Variants in MYO1B observed in about 807,000 individuals in gnomAD.
MYO1B encodes the protein myosin IB.
Under a neutral mutation model 159.7 loss-of-function variants are expected in MYO1B, and 72 were observed. The observed-to-expected ratio is 0.45, with a 90% CI of 0.37 to 0.55. The LOEUF (loss-of-function observed/expected upper bound fraction) is 0.55. Among genes scored for constraint, MYO1B ranks in the 20% least tolerant of loss-of-function variants. MYO1B has a pLI of 0.00. For synonymous variants in MYO1B, 468 were observed against 473.8 expected (o/e 0.99, Z 0.16); for missense variants, 1,062 against 1,364.8 (o/e 0.78, Z 3.50).
At chr2:191,399,500 A>G (rs1199636923) in intron 21 of MYO1B, among the ~76,000 whole-genome samples, 1 of 152,182 alleles carries the variant, frequency 6.6e-6, no homozygotes, top group African/African-American at 2.4e-5. Flanking sequence ...AGCAGTTACC[A>G]TCTGGCATTT....
At chr2:191,399,165 CTG>C (rs745666710) in intron 21 of MYO1B, among the ~76,000 whole-genome samples, 35 of 152,188 alleles carry the variant, frequency 2.3e-4, no homozygotes, top group Non-Finnish European at 3.8e-4. Context: ...ACTCGGCAGG[CTG>C]AGGCAGGAGA....
chr2:191,330,933 G>GA (rs1691430028), intron 4 of MYO1B, among the ~76,000 whole-genome samples: 1 of 152,312 alleles, frequency 6.6e-6, no homozygotes, highest in African/African-American at 2.4e-5. Context: ...TTGATCAAGA[G>GA]AAGAAAATCT....
At chr2:191,267,503 A>C (rs891208583) in intron 1 of MYO1B, among the ~76,000 whole-genome samples, 1 of 152,234 alleles carries the variant, frequency 6.6e-6, no homozygotes, top group African/African-American at 2.4e-5. Context: ...AAGGATTGGA[A>C]AATGAGAGAA....
chr2:191,278,288 C>G (rs1687863924), intron 2 of MYO1B, among the ~76,000 whole-genome samples: 1 of 152,218 alleles, frequency 6.6e-6, no homozygotes, highest in South Asian at 2.1e-4. Flanking sequence ...GAGGAATACT[C>G]CTTCATAAGG....
At chr2:191,258,936 G>T (rs570317914) in intron 1 of MYO1B, among the ~76,000 whole-genome samples, 1 of 152,186 alleles carries the variant, frequency 6.6e-6, no homozygotes, top group African/African-American at 2.4e-5. Context: ...GTGTCTCATG[G>T]ACCCTGGGCT....
At chr2:191,363,677 A>C in intron 9 of MYO1B, 51 bp from the exon 10 acceptor site, 1 of 1,549,948 alleles carries the variant, frequency 6.5e-7, no homozygotes, top group Non-Finnish European at 8.7e-7. Flanking sequence ...TAAAAAAGAA[A>C]AGAAAATAAC....
chr2:191,400,143 G>A (rs761952071), intron 21 of MYO1B, among the ~76,000 whole-genome samples: 2 of 152,108 alleles, frequency 1.3e-5, no homozygotes, highest in Non-Finnish European at 2.9e-5. Flanking sequence ...TTTTCCCATT[G>A]TGTATCAGGG....
chr2:191,315,346 T>C (rs1182295192), intron 3 of MYO1B, among the ~76,000 whole-genome samples: 1 of 152,216 alleles, frequency 6.6e-6, no homozygotes, highest in Non-Finnish European at 1.5e-5. Flanking sequence ...TTCCCCACTT[T>C]CAAAATTATC....
Position 191,363,791 on chromosome 2 carries a change from G to A in MYO1B, c.829G>A (p.Ala277Thr), listed in dbSNP as rs764693076. Residue 277 changes from alanine to threonine, a missense_variant, in exon 10 of 31, where the codon GCA (alanine) becomes ACA (threonine). Physicochemically the swap from Ala to Thr is moderately conservative, Grantham distance 58 (BLOSUM62 0). Transcript: ENST00000392318. The part of the protein sequence containing the change: ...EAESVLAVVA[A>T]VLKLGNIEFK... ...TGAGTCTGTCTTGGCGGTGGTGGCA[G>A]CAGTGTTGAAACTGGGGAACATTGA... The A allele has an allele frequency of 3.7e-6, 6 of 1,613,912 alleles. No individual in the cohort carries two copies. In the African/African-American group the frequency reaches 8.0e-5, roughly 22 times the overall value.
At chr2:191,384,846 T>C (rs1430190113) in intron 15 of MYO1B, among the ~76,000 whole-genome samples, 1 of 152,218 alleles carries the variant, frequency 6.6e-6, no homozygotes, top group Admixed American at 6.5e-5. Context: ...CATGTTCACA[T>C]AGGAACCTGG....
At chr2:191,396,185 T>A (rs1256118962) in intron 20 of MYO1B, among the ~76,000 whole-genome samples, 1 of 152,180 alleles carries the variant, frequency 6.6e-6, no homozygotes, top group Non-Finnish European at 1.5e-5. Context: ...AAGAAAATAA[T>A]GATAATAATG....
chr2:191,421,542 G>A (rs1010987073), intron 30 of MYO1B, among the ~76,000 whole-genome samples: 5 of 151,758 alleles, frequency 3.3e-5, no homozygotes, highest in East Asian at 2.0e-4. Flanking sequence ...GTGTGATCCC[G>A]GCTCAATGCA....
chr2:191,423,299 G>A (rs1698058884), intron 30 of MYO1B, among the ~76,000 whole-genome samples: 1 of 152,066 alleles, frequency 6.6e-6, no homozygotes, highest in Non-Finnish European at 1.5e-5. Context: ...GTAACACAAT[G>A]GTAAATAGTT....
chr2:191,296,837 G>A (rs760742151), intron 3 of MYO1B, among the ~76,000 whole-genome samples: 3 of 152,160 alleles, frequency 2.0e-5, no homozygotes, highest in East Asian at 1.9e-4. Context: ...AAGAGATGCC[G>A]AAATGATTTG....
chr2:191,305,731 A>G (rs537410584), intron 3 of MYO1B, among the ~76,000 whole-genome samples: 31 of 152,132 alleles, frequency 2.0e-4, no homozygotes, highest in African/African-American at 7.2e-4. Context: ...TTGTAGCAGC[A>G]TAATTATTAA....
chr2:191,278,217 A>G (rs1196628686), intron 2 of MYO1B, among the ~76,000 whole-genome samples: 1 of 152,160 alleles, frequency 6.6e-6, no homozygotes, highest in Non-Finnish European at 1.5e-5. Flanking sequence ...TCAGTGTCTG[A>G]TGAGGACCTG....
At chr2:191,322,340 TCCTGGGATA>T (rs1690776570) in intron 3 of MYO1B, among the ~76,000 whole-genome samples, 1 of 152,172 alleles carries the variant, frequency 6.6e-6, no homozygotes, top group African/African-American at 2.4e-5. Context: ...TCCTTTTCCT[TCCTGGGATA>T]ATTTAGTCTC....
At chr2:191,317,854 TTA>T (rs1574415257) in intron 3 of MYO1B, among the ~76,000 whole-genome samples, 1 of 152,260 alleles carries the variant, frequency 6.6e-6, no homozygotes, top group East Asian at 1.9e-4. Context: ...GAATGTGCAC[TTA>T]TATATGTCTA....
intron 16 of MYO1B, among the ~76,000 whole-genome samples, chr2:191,386,533 G>A (rs1695410071): frequency 6.6e-6 from 1 of 151,880 alleles, no homozygotes; most frequent in African/African-American, 2.4e-5. Context: ...TATTTATTTG[G>A]TTAATATTTG....
Sources: gnomAD v4.1 joint callset for allele counts (sites outside exome capture counted in the v4.1 genomes callset) on GRCh38, gnomAD v4.1.1 for gene constraint, MANE v1.5 for transcripts, NCBI Gene and HGNC (gene_info 2026-07-23, HGNC 2026-07-21) for gene names.